Variants in EXD3 observed in about 807,000 individuals in gnomAD.
EXD3 encodes exonuclease 3'-5' domain containing 3.
A neutral mutation model predicts 98.0 loss-of-function variants in EXD3; 92 were observed. The ratio of observed to expected loss-of-function variants is 0.94; its 90% CI spans 0.79 to 1.12. The LOEUF is 1.12. Among genes scored for constraint, EXD3 ranks in the 50% most tolerant of loss-of-function variants. The pLI is 0.00. For synonymous variants in EXD3, 569 were observed against 526.0 expected (o/e 1.08, Z -1.12); for missense variants, 1,222 against 1,191.6 (o/e 1.03, Z -0.38).
Position 137,395,053 on chromosome 9 carries a change from G to A in EXD3, c.55+250C>T, listed in dbSNP as rs887630265. On this transcript the variant is annotated intron_variant, in intron 2 of 21. Coordinates refer to ENST00000340951, the MANE Select transcript of EXD3 (RefSeq NM_017820.5). This position sits in a 1 kb window ranked among gnomAD's most constrained non-coding sequence, Gnocchi z 6.5. ...CTCCCCCGGATCCTGTCACAGGCCC[G>A]GCGCCAGGCCACCCACGCTGGGGCC... is the stretch of plus-strand genomic sequence containing the variant. Among the ~76,000 whole-genome samples, 18 of 151,894 alleles carry A rather than the reference G, an allele frequency of 1.2e-4. No homozygotes were observed. The highest frequency in any genetic ancestry group is 2.4e-4 in the Non-Finnish European group (16 of 67,960).
chr9:137,309,366 C>A (rs139437384), intron 20 of EXD3, among the ~76,000 whole-genome samples: 3 of 152,268 alleles, frequency 2.0e-5, no homozygotes, highest in Non-Finnish European at 2.9e-5. Flanking sequence ...GCCCTGGTGT[C>A]CTGATCTTCT....
chr9:137,367,955 G>C lies in EXD3; in HGVS notation c.497C>G (p.Ser166Trp). The change falls in exon 6 of 22, where the codon TCG (serine) becomes TGG (tryptophan). Residue 166 changes from serine (S) to tryptophan (W), a missense_variant. Coordinates refer to ENST00000340951, the MANE Select transcript of EXD3 (RefSeq NM_017820.5). ...GTTCACCTTTTCAACGCCAAGCTCCGACTGCAGCTTCAACGTCGCGCCCAG... is the reference window on the plus strand; with the variant it reads ...GTTCACCTTTTCAACGCCAAGCTCCCACTGCAGCTTCAACGTCGCGCCCAG... The part of the protein sequence containing the change: ...ATLGATLKLQ[S>W]ELGVEKMSIP... 1 of 1,611,942 alleles carries C rather than the reference G, an allele frequency of 6.2e-7. No individual in the cohort carries two copies. Among genetic ancestry groups the C allele is most frequent in the African/African-American group, 1.3e-5 (1 of 75,062 alleles).
chr9:137,368,094 G>A (rs1056779907), intron 5 of EXD3, 105 bp from the exon 6 acceptor site: 2 of 941,856 alleles, frequency 2.1e-6, no homozygotes, highest in African/African-American at 1.6e-5. Context: ...GGTCACTGAG[G>A]CCGGAGTGCA....
chr9:137,357,787 G>A lies in EXD3; in HGVS notation c.657-1419C>T, dbSNP rs541767685. On this transcript the variant is annotated intron_variant, in intron 7 of 21. Transcript: ENST00000340951. ...GAGTTTATTAAGTATTAACTCACAC[G>A]ATCACAGGGTCCCACAATAGGCCAT... 4.5e-4 allele frequency among the ~76,000 whole-genome samples: 68 copies of A among 151,016 alleles called. 1 individual carries two copies. In the South Asian group the frequency reaches 0.014, roughly 31 times the overall value.
intron 2 of EXD3, among the ~76,000 whole-genome samples, chr9:137,384,584 A>G (rs1422034225): frequency 6.6e-6 from 1 of 152,242 alleles, no homozygotes; most frequent in African/African-American, 2.4e-5. Flanking sequence ...TCCAATGCAG[A>G]AGGAAAACAG....
chr9:137,419,979 GA>G (rs1838431341), intron 1 of EXD3, among the ~76,000 whole-genome samples: 1 of 151,934 alleles, frequency 6.6e-6, no homozygotes, highest in Non-Finnish European at 1.5e-5. Flanking sequence ...CTAATACGGT[GA>G]AACCCCATCT....
At chr9:137,373,172 T>C (rs1157708429) in intron 4 of EXD3, 100 bp from the exon 5 acceptor site, 2 of 1,363,026 alleles carry the variant, frequency 1.5e-6, no homozygotes, top group East Asian at 2.3e-5. Flanking sequence ...CGCCTGCCAC[T>C]GTGGCCATGT....
chr9:137,372,303 G>A (rs1186725484), intron 5 of EXD3, among the ~76,000 whole-genome samples: 1 of 152,220 alleles, frequency 6.6e-6, no homozygotes, highest in Non-Finnish European at 1.5e-5. Context: ...ACCTTGTCCT[G>A]TGTCCCAGGC....
intron 7 of EXD3, among the ~76,000 whole-genome samples, chr9:137,358,868 T>C (rs924672907): frequency 2.0e-5 from 3 of 151,680 alleles, no homozygotes; most frequent in Admixed American, 6.6e-5. Context: ...GTATTTTTTG[T>C]AGAGACGGGG....
At position 137,349,384 on chromosome 9, in the gene EXD3, G is replaced by A. The variant is rs1325078539; in HGVS notation, c.1642C>T (p.Gln548Ter). The change falls in exon 15 of 22, where the codon CAG becomes TAG. Residue 548 changes from glutamine (Q) to a stop codon, truncating the protein, a stop_gained. Transcript: ENST00000340951. LOFTEE classifies it high-confidence loss of function. This position sits in a 1 kb window ranked among gnomAD's most constrained non-coding sequence, Gnocchi z 7.4. ...NWDRRPLCEE[Q>*]VIYAAADAYC... ...CACCGCACACCTGCGTAGATGACCT[G>A]CTCCTCGCAGAGCGGCCTCCGGTCC... The A allele has an allele frequency of 1.3e-6, 2 of 1,592,004 alleles. No individual in the cohort carries two copies. The highest frequency in any genetic ancestry group is 1.3e-5 in the African/African-American group (1 of 74,656).
Position 137,403,139 on chromosome 9 carries a change from C to T in EXD3, c.-47-7735G>A, listed in dbSNP as rs572693448. Among the ~76,000 whole-genome samples, 78 of 151,932 alleles carry T rather than the reference C, an allele frequency of 5.1e-4. 1 individual carries two copies. The highest frequency in any genetic ancestry group is 1.8e-4 in the Non-Finnish European group (12 of 67,984). On this transcript the variant is annotated intron_variant, in intron 1 of 21. Coordinates refer to ENST00000340951, the MANE Select transcript of EXD3 (RefSeq NM_017820.5). The surrounding 1 kb of genome is among the most constrained non-coding windows in gnomAD (Gnocchi z 6.1). ...CTTGGCTCATTTCCTGCAGGATCCC[C>T]GGCGCTGACCCCTCTCCCCTCCATG...
At chr9:137,336,519 G>C (rs1833359297) in intron 17 of EXD3, among the ~76,000 whole-genome samples, 1 of 152,042 alleles carries the variant, frequency 6.6e-6, no homozygotes, top group Admixed American at 6.6e-5. Flanking sequence ...ACATTAGCTG[G>C]GTGTGGTGCT....
At chr9:137,402,847 G>A (rs1006709464) in intron 1 of EXD3, among the ~76,000 whole-genome samples, 2 of 152,124 alleles carry the variant, frequency 1.3e-5, no homozygotes. Context: ...TCAGAATCAC[G>A]GTGGAAGGCG....
In EXD3 at chr9:137,383,490, C is replaced by A. The variant is rs28464426; in HGVS notation, c.56-113G>T. On this transcript the variant is annotated intron_variant, in intron 2 of 21. Coordinates refer to ENST00000340951, the MANE Select transcript of EXD3 (RefSeq NM_017820.5). ...GCAATGCCTGGGGCTCCTCTGGACCCGGGGGGCCGGGAACCCTCCCCCACC... is the reference window on the plus strand; with the variant it reads ...GCAATGCCTGGGGCTCCTCTGGACCAGGGGGGCCGGGAACCCTCCCCCACC... 18 of 751,240 alleles carry A rather than the reference C, an allele frequency of 2.4e-5. No individual in the cohort carries two copies. The Admixed American group carries it at 5.1e-4, about 21-fold the overall frequency. 46.5% of individuals were successfully genotyped at this position (751,240 alleles called of 1,614,324 possible). A position where few individuals can be genotyped will look rare whatever the true frequency, so the allele number is the denominator to read the frequency against.
intron 19 of EXD3, among the ~76,000 whole-genome samples, chr9:137,316,315 G>A (rs1421753454): frequency 6.6e-6 from 1 of 151,988 alleles, no homozygotes; most frequent in Admixed American, 6.5e-5. Context: ...CGCGGCCTTC[G>A]CGCGCCGGCC....
rs111207797 is a variant in EXD3, at chr9:137,330,472, A to T, written c.1999-6329T>A. 1.7e-4 allele frequency among the ~76,000 whole-genome samples: 14 copies of T among 84,654 alleles called. 1 individual carries two copies. The highest frequency in any genetic ancestry group is 3.4e-4 in the African/African-American group (8 of 23,838). The allele number at this position is 84,654 out of a possible 152,430, so 55.5% of individuals were successfully genotyped here. ...TACACAGGAGCTACACAGGACTACAAAGGAGCTACACAGGAGCTACACAGG... is the reference window on the plus strand; with the variant it reads ...TACACAGGAGCTACACAGGACTACATAGGAGCTACACAGGAGCTACACAGG... On this transcript the variant is annotated intron_variant, in intron 17 of 21. Transcript: ENST00000340951.
intron 1 of EXD3, among the ~76,000 whole-genome samples, chr9:137,396,068 A>G (rs1837205239): frequency 1.3e-5 from 2 of 151,870 alleles, no homozygotes; most frequent in South Asian, 2.1e-4. Context: ...TCCGGGTTCA[A>G]GCGATTCTCC....
chr9:137,368,312 G>A (rs1835376931), intron 5 of EXD3, among the ~76,000 whole-genome samples: 1 of 152,210 alleles, frequency 6.6e-6, no homozygotes, highest in African/African-American at 2.4e-5. Context: ...ATGAGCCAGA[G>A]GAAGGCTAGG....
chr9:137,374,617 T>G (rs754024561), intron 3 of EXD3: 7 of 985,272 alleles, frequency 7.1e-6, no homozygotes, highest in Non-Finnish European at 8.4e-6. Context: ...CGCACATGAG[T>G]GTGTGAGGAG....
Sources: gnomAD v4.1 joint callset for allele counts (sites outside exome capture counted in the v4.1 genomes callset) on GRCh38, gnomAD v4.1.1 for gene constraint, Gnocchi (gnomAD v3.1) non-coding constraint, MANE v1.5 for transcripts, NCBI Gene and HGNC (gene_info 2026-07-23, HGNC 2026-07-21) for gene names.